Variants in NTM observed in about 807,000 individuals in gnomAD.
NTM encodes the protein IgLON family member 2.
In NTM, 13 loss-of-function variants were observed where a neutral mutation model predicts 42.1. The ratio of observed to expected loss-of-function variants is 0.31; its 90% CI spans 0.20 to 0.49. NTM has a LOEUF of 0.49. NTM is among the 20% of genes least tolerant of loss of function. The pLI is 0.99. For synonymous variants in NTM, 187 were observed against 179.2 expected (o/e 1.04, Z -0.35); for missense variants, 373 against 452.8 (o/e 0.82, Z 1.60).
chr11:131,685,447 G>A (rs1035764397), intron 1 of NTM, among the ~76,000 whole-genome samples: 1 of 152,154 alleles, frequency 6.6e-6, no homozygotes, highest in Non-Finnish European at 1.5e-5. Context: ...CTCTGATCCC[G>A]TCTGTTTCTG....
intron 1 of NTM, chr11:131,573,650 G>A (rs1161668999): frequency 6.6e-6 from 1 of 152,186 alleles, no homozygotes; most frequent in African/African-American, 2.4e-5. Flanking sequence ...GGAAGAAAAA[G>A]AAATAGAGAT....
At chr11:131,828,456 C>T (rs769328543) in intron 1 of NTM, among the ~76,000 whole-genome samples, 3 of 151,886 alleles carry the variant, frequency 2.0e-5, no homozygotes, top group Non-Finnish European at 4.4e-5. Flanking sequence ...ATCTACATTG[C>T]CAACATTACC....
At chr11:132,202,914 A>T (rs1264996524) in intron 3 of NTM, among the ~76,000 whole-genome samples, 4 of 152,182 alleles carry the variant, frequency 2.6e-5, no homozygotes, top group Non-Finnish European at 4.4e-5. Context: ...TTTACTATGG[A>T]GGGCGAGAGA....
At chr11:131,490,625 A>AC (rs1954679934) in intron 1 of NTM, among the ~76,000 whole-genome samples, 1 of 152,178 alleles carries the variant, frequency 6.6e-6, no homozygotes, top group Non-Finnish European at 1.5e-5. Flanking sequence ...GCTAAGAGAA[A>AC]CAGGGCCTGT....
At chr11:131,706,401 C>G (rs1208480223) in intron 1 of NTM, among the ~76,000 whole-genome samples, 1 of 151,888 alleles carries the variant, frequency 6.6e-6, no homozygotes, top group Non-Finnish European at 1.5e-5. Flanking sequence ...TCAAATACCT[C>G]ATTTACAATA....
chr11:131,654,053 C>T (rs527408752), intron 1 of NTM, among the ~76,000 whole-genome samples: 1 of 152,316 alleles, frequency 6.6e-6, no homozygotes, highest in East Asian at 1.9e-4. Flanking sequence ...ATTAATTCAA[C>T]AGACAGCTCT....
intron 1 of NTM, among the ~76,000 whole-genome samples, chr11:131,373,893 C>T (rs1475564161): frequency 6.6e-6 from 1 of 152,214 alleles, no homozygotes; most frequent in Non-Finnish European, 1.5e-5. Context: ...AAAGGTGCCT[C>T]GGCAAAGTTC....
intron 1 of NTM, among the ~76,000 whole-genome samples, chr11:131,872,748 G>A (rs1007867751): frequency 6.6e-6 from 1 of 152,180 alleles, no homozygotes; most frequent in Non-Finnish European, 1.5e-5. Flanking sequence ...TTAAGATTTT[G>A]TTAAAGAATT....
intron 4 of NTM, among the ~76,000 whole-genome samples, chr11:132,237,209 AC>A (rs1353641404): frequency 6.6e-6 from 1 of 152,182 alleles, no homozygotes; most frequent in Non-Finnish European, 1.5e-5. Flanking sequence ...CCAGATGCTA[AC>A]TTAGATGTCC....
intron 7 of NTM, among the ~76,000 whole-genome samples, chr11:132,320,610 C>T (rs928235958): frequency 1.6e-4 from 24 of 152,222 alleles, no homozygotes; most frequent in Admixed American, 3.3e-4. Context: ...GGGGTGCCCG[C>T]CATTGCCCAG....
chr11:131,660,684 G>A (rs113270697), intron 1 of NTM: 6 of 429,902 alleles, frequency 1.4e-5, no homozygotes, highest in Non-Finnish European at 2.3e-5. Flanking sequence ...CGGGGACAGA[G>A]GGTGTGGGGC....
chr11:131,411,192 C>T (rs1182713873), intron 1 of NTM, among the ~76,000 whole-genome samples: 2 of 152,162 alleles, frequency 1.3e-5, no homozygotes, highest in African/African-American at 2.4e-5. Context: ...TAATCATTTT[C>T]TCCCAGCTGC....
chr11:131,849,827 G>A (rs183073409), intron 1 of NTM, among the ~76,000 whole-genome samples: 3 of 142,874 alleles, frequency 2.1e-5, no homozygotes, highest in African/African-American at 7.8e-5. Flanking sequence ...GTTGTGGGGT[G>A]GGGGGCGGGG....
intron 2 of NTM, among the ~76,000 whole-genome samples, chr11:132,034,509 C>A (rs1480616945): frequency 6.6e-6 from 1 of 152,200 alleles, no homozygotes; most frequent in Non-Finnish European, 1.5e-5. Flanking sequence ...CTCAAGTGGG[C>A]AACTGGATAG....
intron 1 of NTM, among the ~76,000 whole-genome samples, chr11:131,639,480 C>A (rs1254517794): frequency 6.6e-6 from 1 of 152,200 alleles, no homozygotes; most frequent in East Asian, 1.9e-4. Flanking sequence ...TGATATCACA[C>A]CACAGACATC....
At chr11:132,023,421 C>A (rs2074652375) in intron 2 of NTM, among the ~76,000 whole-genome samples, 3 of 152,186 alleles carry the variant, frequency 2.0e-5, no homozygotes, top group Admixed American at 6.5e-5. Context: ...TGAAATTGAG[C>A]CTTCTGGTCA....
chr11:131,733,510 CCTTCCTTCCTTT>C lies in NTM; in HGVS notation c.83-178050_83-178039del, dbSNP rs1442634721. 1.6e-3 allele frequency among the ~76,000 whole-genome samples: 223 copies of C among 142,132 alleles called. 1 individual carries two copies. Among genetic ancestry groups the C allele is most frequent in the African/African-American group, 5.5e-3 (204 of 36,792 alleles). The allele number at this position is 142,132 out of a possible 152,430, so 93.2% of individuals were successfully genotyped here. ...TCCTTCCTTCCTTCCTTCCTTCCTT[CCTTCCTTCCTTT>C]CTTTCTTTCTTTCGTTGTTTTTTGA... On this transcript the variant is annotated intron_variant, in intron 1 of 8. Coordinates refer to ENST00000683400, the MANE Select transcript of NTM (RefSeq NM_001352005.2).
intron 1 of NTM, among the ~76,000 whole-genome samples, chr11:131,598,764 T>TC (rs2060107635): frequency 3.8e-5 from 2 of 52,384 alleles, no homozygotes; most frequent in African/African-American, 1.1e-4. Flanking sequence ...TCTTCTTTCT[T>TC]TTTTTCTTTC....
At chr11:132,240,735 G>A (rs1034923608) in intron 4 of NTM, among the ~76,000 whole-genome samples, 1 of 152,202 alleles carries the variant, frequency 6.6e-6, no homozygotes, top group Non-Finnish European at 1.5e-5. Context: ...AGATTAGGGG[G>A]TGAAATTAGA....
Sources: gnomAD v4.1 joint callset for allele counts (sites outside exome capture counted in the v4.1 genomes callset) on GRCh38, gnomAD v4.1.1 for gene constraint, MANE v1.5 for transcripts, NCBI Gene and HGNC (gene_info 2026-07-23, HGNC 2026-07-21) for gene names.